Variants in PIK3C2G observed in about 807,000 individuals in gnomAD.
The protein encoded by PIK3C2G is phosphatidylinositol 3-kinase C2 domain-containing subunit gamma.
PIK3C2G carries 168 observed loss-of-function variants against 181.1 expected under a neutral mutation model. The ratio of observed to expected loss-of-function variants is 0.93; its 90% CI spans 0.82 to 1.05. The LOEUF is 1.05. PIK3C2G is among the 50% of genes least tolerant of loss of function. PIK3C2G has a pLI of 0.00. For missense variants in PIK3C2G, 1,869 were observed against 1,732.8 expected (o/e 1.08, Z -1.40); for synonymous variants, 573 against 592.2 (o/e 0.97, Z 0.47).
chr12:18,503,920 G>A (rs116130271), intron 23 of PIK3C2G, among the ~76,000 whole-genome samples: 2,210 of 152,252 alleles, frequency 0.015, 69 homozygotes, highest in African/African-American at 0.05. Flanking sequence ...TATCTGGCTT[G>A]CAGTGTACAG....
intron 5 of PIK3C2G, among the ~76,000 whole-genome samples, chr12:18,308,601 A>G (rs906412840): frequency 6.6e-6 from 1 of 151,450 alleles, no homozygotes; most frequent in Non-Finnish European, 1.5e-5. Context: ...AAACAGAATG[A>G]TTAAGGCCCA....
In PIK3C2G at chr12:18,543,179, T is replaced by G. The variant is rs527237235; in HGVS notation, c.3481-3144T>G. On this transcript the variant is annotated intron_variant, in intron 25 of 32. Coordinates refer to ENST00000538779, the MANE Select transcript of PIK3C2G (RefSeq NM_001288772.2). Reference sequence around the variant, plus strand: ...TTTTTTCATATGCTTGTTGGACACATGTATGCCTTCTTTTGAGAAGTGTCT... The same window carrying G: ...TTTTTTCATATGCTTGTTGGACACAGGTATGCCTTCTTTTGAGAAGTGTCT... Among the ~76,000 whole-genome samples the G allele has an allele frequency of 2.0e-5, 3 of 152,164 alleles. No individual in the cohort carries two copies. The South Asian group carries it at 6.2e-4, about 32-fold the overall frequency.
chr12:18,683,406 T>A, the PIK3C2G span: 1 of 1,488,926 alleles, frequency 6.7e-7, no homozygotes, highest in Non-Finnish European at 9.3e-7. Context: ...AAACAAGAGC[T>A]CTTTACTAAG....
At chr12:18,275,465 T>G (rs543625662) in intron 1 of PIK3C2G, among the ~76,000 whole-genome samples, 4 of 152,252 alleles carry the variant, frequency 2.6e-5, no homozygotes, top group African/African-American at 9.6e-5. Context: ...CAGTGCAACC[T>G]CTGCCTTCTG....
chr12:18,358,555 G>T (rs1940956692), intron 11 of PIK3C2G: 3 of 372,892 alleles, frequency 8.0e-6, no homozygotes, highest in South Asian at 2.4e-5. Context: ...TGCCACTGAA[G>T]CAGTGAGGCA....
chr12:18,541,675 G>A (rs1284264626), intron 25 of PIK3C2G, among the ~76,000 whole-genome samples: 22 of 151,858 alleles, frequency 1.4e-4, no homozygotes, highest in African/African-American at 4.1e-4. Flanking sequence ...AAAAAGGGAC[G>A]TATCTATTCA....
chr12:18,527,542 C>T (rs1943305920), intron 24 of PIK3C2G, among the ~76,000 whole-genome samples: 1 of 152,070 alleles, frequency 6.6e-6, no homozygotes, highest in Non-Finnish European at 1.5e-5. Flanking sequence ...CAATTTCACC[C>T]AAGAGTTATA....
At chr12:18,665,693 T>C in the PIK3C2G span, among the ~76,000 whole-genome samples, 3 of 151,984 alleles carry the variant, frequency 2.0e-5, no homozygotes, top group Admixed American at 2.0e-4. Flanking sequence ...TCCCAGAACT[T>C]TGGGAGGCTG....
chr12:18,387,342 A>C (rs1006708684), intron 14 of PIK3C2G, among the ~76,000 whole-genome samples: 3 of 152,096 alleles, frequency 2.0e-5, no homozygotes, highest in African/African-American at 7.2e-5. Context: ...ATAACTCAGC[A>C]CTACCCAGAG....
chr12:18,709,479 A>C, the PIK3C2G span, among the ~76,000 whole-genome samples: 4 of 152,084 alleles, frequency 2.6e-5, no homozygotes, highest in African/African-American at 9.7e-5. Context: ...TTCATTTCTC[A>C]GAATTATTTT....
Position 18,325,111 on chromosome 12 carries a change from G to C in PIK3C2G, c.1272+13G>C. 2 of 1,479,192 alleles carry C rather than the reference G, an allele frequency of 1.4e-6. No homozygotes were observed. Among genetic ancestry groups the C allele is most frequent in the Non-Finnish European group, 1.9e-6 (2 of 1,068,242 alleles). The allele number at this position is 1,479,192 out of a possible 1,614,324, so 91.6% of individuals were successfully genotyped here. Reference sequence around the variant, plus strand: ...ATTGAAAACCCAGGTATTGACTTTTGTTACTTTATCCATCAATTCAGTAAG... The same window carrying C: ...ATTGAAAACCCAGGTATTGACTTTTCTTACTTTATCCATCAATTCAGTAAG... On this transcript the variant is annotated intron_variant, in intron 8 of 32. Coordinates refer to ENST00000538779, the MANE Select transcript of PIK3C2G (RefSeq NM_001288772.2).
chr12:18,269,072 G>A (rs570277527), intron 1 of PIK3C2G, among the ~76,000 whole-genome samples: 4 of 151,908 alleles, frequency 2.6e-5, no homozygotes, highest in African/African-American at 9.6e-5. Flanking sequence ...CAACACACCT[G>A]GCAAATTTTT....
chr12:18,499,772 C>T (rs1941281880), intron 22 of PIK3C2G, among the ~76,000 whole-genome samples: 1 of 152,204 alleles, frequency 6.6e-6, no homozygotes, highest in South Asian at 2.1e-4. Context: ...CCTCATACAA[C>T]ACCACCTTGG....
chr12:18,449,658 C>T (rs1159263454), intron 18 of PIK3C2G, among the ~76,000 whole-genome samples: 1 of 152,144 alleles, frequency 6.6e-6, no homozygotes, highest in African/African-American at 2.4e-5. Context: ...GCATAGTATT[C>T]TATGGTGTGT....
At chr12:18,498,573 T>C (rs1287967059) in intron 22 of PIK3C2G, among the ~76,000 whole-genome samples, 1 of 151,888 alleles carries the variant, frequency 6.6e-6, no homozygotes, top group Non-Finnish European at 1.5e-5. Flanking sequence ...AGTCATTTTT[T>C]TTTTTTTAAT....
intron 5 of PIK3C2G, among the ~76,000 whole-genome samples, chr12:18,312,332 T>C (rs1048391988): frequency 1.3e-5 from 2 of 152,190 alleles, no homozygotes; most frequent in Non-Finnish European, 2.9e-5. Context: ...GCAGTAGCCA[T>C]GTATGAGGCT....
chr12:18,441,082 A>T (rs1245810576), intron 18 of PIK3C2G, among the ~76,000 whole-genome samples: 1 of 152,178 alleles, frequency 6.6e-6, no homozygotes, highest in Non-Finnish European at 1.5e-5. Context: ...AGAAGCAGTC[A>T]GGGATATAAA....
intron 24 of PIK3C2G, 104 bp from the exon 25 acceptor site, chr12:18,538,052 A>T: frequency 8.6e-7 from 1 of 1,161,622 alleles, no homozygotes; most frequent in Non-Finnish European, 1.2e-6. Context: ...CAGTAGAGAA[A>T]AAAAAAAGAA....
chr12:18,378,131 A>T (rs1201854081), intron 13 of PIK3C2G, among the ~76,000 whole-genome samples: 2 of 152,190 alleles, frequency 1.3e-5, no homozygotes, highest in Non-Finnish European at 2.9e-5. Context: ...ATCAAAGGAC[A>T]GTAATTACCA....
Sources: allele counts gnomAD v4.1 joint callset (sites outside exome capture counted in the v4.1 genomes callset), GRCh38; gene constraint gnomAD v4.1.1; transcripts MANE v1.5; gene names NCBI Gene and HGNC (gene_info 2026-07-23, HGNC 2026-07-21).